Variants in ANXA11 observed in about 807,000 individuals in gnomAD.
ANXA11 encodes the protein 56 kDa autoantigen.
In ANXA11, 57 loss-of-function variants were observed where a neutral mutation model predicts 64.7. That is an observed-to-expected ratio of 0.88 (90% CI 0.71 to 1.10). The LOEUF (loss-of-function observed/expected upper bound fraction) is 1.10, where lower values mean the gene tolerates loss of function less well. Ranked by LOEUF, ANXA11 falls within the 50% of genes least tolerant of loss-of-function variation. The probability of loss-of-function intolerance (pLI) is 0.00; values close to 1 mark genes in which losing one functional copy is unlikely to be tolerated. For missense variants in ANXA11, 675 were observed against 670.7 expected, an observed-to-expected ratio of 1.01 and a Z score of -0.07; for synonymous variants, 260 against 265.2, an observed-to-expected ratio of 0.98 and a Z score of 0.19.
chr10:80,196,645 C>A (rs78875328), intron 1 of ANXA11, among the ~76,000 whole-genome samples: 2 of 152,308 alleles, frequency 1.3e-5, no homozygotes, highest in South Asian at 4.1e-4. Context: ...CAATGTCCTG[C>A]CCTTGCTGGT....
intron 1 of ANXA11, among the ~76,000 whole-genome samples, chr10:80,192,022 G>A (rs1846798793): frequency 6.6e-6 from 1 of 152,238 alleles, no homozygotes; most frequent in Non-Finnish European, 1.5e-5. Context: ...CCCCAGGGCA[G>A]GGTGGGTAGA....
intron 1 of ANXA11, among the ~76,000 whole-genome samples, chr10:80,183,487 C>T (rs1846428195): frequency 6.6e-6 from 1 of 152,258 alleles, no homozygotes; most frequent in African/African-American, 2.4e-5. Flanking sequence ...TGGAAGGGAT[C>T]ATGTTCTAAC....
intron 2 of ANXA11, among the ~76,000 whole-genome samples, chr10:80,174,346 G>A (rs373079996): frequency 1.7e-4 from 26 of 149,258 alleles, no homozygotes; most frequent in African/African-American, 5.4e-4. Context: ...GTGTGATCTC[G>A]GCTCACTGCA....
intron 12 of ANXA11, 95 bp downstream of exon 12, chr10:80,161,840 G>C (rs1845520575): frequency 9.0e-7 from 1 of 1,105,588 alleles, no homozygotes; most frequent in Non-Finnish European, 1.3e-6. Flanking sequence ...CCCCACGCAG[G>C]GAGGAACGAC....
intron 9 of ANXA11, 48 bp downstream of exon 9, chr10:80,164,005 A>G (rs1845625289): frequency 1.3e-6 from 2 of 1,507,202 alleles, no homozygotes; most frequent in Non-Finnish European, 1.8e-6. Flanking sequence ...CCAAGAGCAC[A>G]GGGATCTGCA....
intron 2 of ANXA11, among the ~76,000 whole-genome samples, chr10:80,173,478 T>A (rs1846056016): frequency 1.3e-5 from 2 of 152,214 alleles, no homozygotes; most frequent in Non-Finnish European, 2.9e-5. Flanking sequence ...AGCATCACCC[T>A]GTTTCTGCAG....
Position 80,153,159 on chromosome 10 carries a change from A to G in ANXA11, c.*2694T>C, listed in dbSNP as rs1270252314. 2 of 152,152 alleles carry G rather than the reference A, an allele frequency of 1.3e-5. No individual in the cohort carries two copies. Among genetic ancestry groups the G allele is most frequent in the Admixed American group, 1.3e-4 (2 of 15,278 alleles). 9.4% of individuals were successfully genotyped at this position (152,152 alleles called of 1,614,324 possible). On this transcript the variant is annotated 3_prime_UTR_variant, in exon 16 of 16. Transcript: ENST00000422982. ...CCAAGTGTGTAGACCAGGGTCTCAA[A>G]CCCAAAGGCCTGCAGGAGCCAAATG...
chr10:80,176,838 G>A (rs1322015039), intron 1 of ANXA11, among the ~76,000 whole-genome samples: 4 of 152,112 alleles, frequency 2.6e-5, no homozygotes, highest in Non-Finnish European at 4.4e-5. Context: ...AGGGCAGGTC[G>A]ACCCCACTGT....
chr10:80,186,972 G>A (rs1443535828), intron 1 of ANXA11, among the ~76,000 whole-genome samples: 1 of 152,238 alleles, frequency 6.6e-6, no homozygotes, highest in Non-Finnish European at 1.5e-5. Flanking sequence ...TCTGAGGAGT[G>A]GAAAGTGGGC....
intron 12 of ANXA11, among the ~76,000 whole-genome samples, chr10:80,160,010 G>A (rs1452743651): frequency 6.6e-6 from 1 of 152,218 alleles, no homozygotes; most frequent in Non-Finnish European, 1.5e-5. Flanking sequence ...TGGATGGCTG[G>A]CTCCTAGAGA....
At chr10:80,193,374 G>A (rs575612102) in intron 1 of ANXA11, among the ~76,000 whole-genome samples, 2 of 152,312 alleles carry the variant, frequency 1.3e-5, no homozygotes, top group Admixed American at 6.5e-5. Context: ...GAAAGGGAAA[G>A]AGGAAGGATG....
At chr10:80,156,560 C>T (rs1845285186) in intron 15 of ANXA11, 1 of 450,434 alleles carries the variant, frequency 2.2e-6, no homozygotes, top group African/African-American at 2.0e-5. Context: ...GTCACCAAGA[C>T]TGAAGTGGAA....
rs1470594015 is a variant in ANXA11 at position 80,155,764 on chromosome 10, G to A, written c.*89C>T. Reference sequence around the variant, plus strand: ...AGGACGGTGAATCTCGGGGCTATTTGTGGATTTGTTAGAAACAGACATTCT... The same window carrying A: ...AGGACGGTGAATCTCGGGGCTATTTATGGATTTGTTAGAAACAGACATTCT... On this transcript the variant is annotated 3_prime_UTR_variant, in exon 16 of 16. Transcript: ENST00000422982. The A allele has an allele frequency of 3.1e-6, 4 of 1,279,290 alleles. No individual in the cohort carries two copies. The highest frequency in any genetic ancestry group is 4.6e-5 in the East Asian group (2 of 43,296). The allele number at this position is 1,279,290 out of a possible 1,614,324, so 79.2% of individuals were successfully genotyped here.
chr10:80,155,463 A>G lies in ANXA11; in HGVS notation c.*390T>C. 4.8e-6 allele frequency: 1 copy of G among 208,602 alleles called. No homozygotes were observed. Among genetic ancestry groups the G allele is most frequent in the Non-Finnish European group, 9.7e-6 (1 of 102,594 alleles). 12.9% of individuals were successfully genotyped at this position (208,602 alleles called of 1,614,324 possible). On this transcript the variant is annotated 3_prime_UTR_variant, in exon 16 of 16. Coordinates refer to ENST00000422982, the MANE Select transcript of ANXA11 (RefSeq NM_145868.2). Reference sequence around the variant, plus strand: ...TCGCCCTCACCAGAAATGTGTATGCAGCAAACAGACTTGTATGCCTCTGTC... The same window carrying G: ...TCGCCCTCACCAGAAATGTGTATGCGGCAAACAGACTTGTATGCCTCTGTC...
In ANXA11 at chr10:80,155,889, C is replaced by T. The variant is rs1458685393; in HGVS notation, c.1482G>A (p.Arg494=). Reference sequence around the variant, plus strand: ...CACCACAGATCTTCAGCAGAATCTTCCGGTAATCCCCTGAAGTATCTCCCT... The same window carrying T: ...CACCACAGATCTTCAGCAGAATCTTTCGGTAATCCCCTGAAGTATCTCCCT... ...DISGDTSGDY[R]KILLKICGGN... The change falls in exon 16 of 16, where the codon CGG becomes CGA. Residue 494 remains arginine (R), a synonymous_variant. Coordinates refer to ENST00000422982, the MANE Select transcript of ANXA11 (RefSeq NM_145868.2). 6.2e-7 allele frequency: 1 copy of T among 1,614,094 alleles called. No individual in the cohort carries two copies. Among genetic ancestry groups the T allele is most frequent in the African/African-American group, 1.3e-5 (1 of 74,930 alleles).
At chr10:80,166,571 C>A in intron 7 of ANXA11, 1 of 465,350 alleles carries the variant, frequency 2.1e-6, no homozygotes, top group South Asian at 2.5e-5. Context: ...AAAGCTCTTA[C>A]ATCAGCTAAA....
intron 1 of ANXA11, among the ~76,000 whole-genome samples, chr10:80,178,466 C>G (rs150474789): frequency 6.6e-6 from 1 of 152,322 alleles, no homozygotes; most frequent in African/African-American, 2.4e-5. Context: ...TTCTTAGAAA[C>G]CTGTCTCTGG....
Position 80,169,084 on chromosome 10 carries a change from G to A in ANXA11, c.446C>T (p.Pro149Leu). 1 of 1,535,348 alleles carries A rather than the reference G, an allele frequency of 6.5e-7. No homozygotes were observed. The highest frequency in any genetic ancestry group is 2.2e-5 in the Admixed American group (1 of 45,288). ...TGGAGGCTGACCAGGGTAGGTCACT[G>A]GTGGCTGCCCAGGGTAGGCCCCTGG... ...QPPGAYPGQP[P>L]VTYPGQPPVP... Residue 149 changes from proline to leucine, a missense_variant, in exon 5 of 16, where the codon CCA (proline) becomes CTA (leucine). Coordinates refer to ENST00000422982, the MANE Select transcript of ANXA11 (RefSeq NM_145868.2).
intron 3 of ANXA11, chr10:80,171,130 G>A (rs906483096): frequency 6.8e-6 from 10 of 1,470,122 alleles, no homozygotes; most frequent in Middle Eastern, 1.8e-4. Flanking sequence ...TCCCAGGGAG[G>A]AAGGTGGAGT....
Sources: gnomAD v4.1 joint callset for allele counts (sites outside exome capture counted in the v4.1 genomes callset) on GRCh38, gnomAD v4.1.1 for gene constraint, MANE v1.5 for transcripts, NCBI Gene and HGNC (gene_info 2026-07-23, HGNC 2026-07-21) for gene names.